CLEC4G: variants seen among roughly 807,000 people sequenced by gnomAD.
CLEC4G encodes the protein C-type lectin superfamily 4, member G.
In CLEC4G, 34 loss-of-function variants were observed where a neutral mutation model predicts 37.0. The observed-to-expected ratio is 0.92, with a 90% CI of 0.70 to 1.22. CLEC4G has a LOEUF of 1.22. Ranked by LOEUF, CLEC4G falls within the 50% of genes most tolerant of loss-of-function variation. CLEC4G has a pLI of 0.00. For missense variants in CLEC4G, 390 were observed against 392.9 expected, an observed-to-expected ratio of 0.99 and a Z score of 0.06; for synonymous variants, 167 against 165.6, an observed-to-expected ratio of 1.01 and a Z score of -0.06.
Position 7,730,171 on chromosome 19 carries a change from C to A in CLEC4G, c.479-4G>T. 6.2e-7 allele frequency: 1 copy of A among 1,610,892 alleles called. No individual in the cohort carries two copies. Among genetic ancestry groups the A allele is most frequent in the Non-Finnish European group, 8.5e-7 (1 of 1,178,928 alleles). On this transcript the variant is annotated splice_polypyrimidine_tract_variant and splice_region_variant and intron_variant, in intron 6 of 8. Transcript: ENST00000328853. This position sits in a 1 kb window ranked among gnomAD's most constrained non-coding sequence, Gnocchi z 7.3. ...GTGGGGCACGGCTCGCAGGAGTCTG[C>A]GGGGTGGCGAGGGTCAGAGAGGTCG...
chr19:7,731,327 G>A lies in CLEC4G; in HGVS notation c.167-8C>T, dbSNP rs1447845018. 1 of 1,568,502 alleles carries A rather than the reference G, an allele frequency of 6.4e-7. No homozygotes were observed. Among genetic ancestry groups the A allele is most frequent in the Non-Finnish European group, 8.6e-7 (1 of 1,162,386 alleles). On this transcript the variant is annotated splice_region_variant and splice_polypyrimidine_tract_variant and intron_variant, in intron 2 of 8. Coordinates refer to ENST00000328853, the MANE Select transcript of CLEC4G (RefSeq NM_198492.4). ...CCGCGCGCTCCGTGGAGGCTGAGGA[G>A]AGAGGCTCCTGCAGGCGAGGCCGGG... is the stretch of plus-strand genomic sequence containing the variant.
intron 2 of CLEC4G, 36 bp from the exon 3 acceptor site, chr19:7,731,355 C>A: frequency 6.5e-7 from 1 of 1,544,524 alleles, no homozygotes; most frequent in Non-Finnish European, 8.7e-7. Context: ...AGGCCGGGAA[C>A]TCGGGAATCC....
At chr19:7,729,980 C>A in intron 7 of CLEC4G, 39 bp downstream of exon 7, 1 of 1,608,734 alleles carries the variant, frequency 6.2e-7, no homozygotes. Context: ...CCGCCCCGCC[C>A]TGCCCCACCG....
At position 7,731,688 on chromosome 19, in the gene CLEC4G, C is replaced by T; in HGVS notation, c.139G>A (p.Val47Met). The change falls in exon 2 of 9, where the codon GTG becomes ATG. Residue 47 changes from valine (V) to methionine (M), a missense_variant. Coordinates refer to ENST00000328853, the MANE Select transcript of CLEC4G (RefSeq NM_198492.4). ...AVLVTTVLWAVILSILLSKAS... is the reference protein window; with the variant it reads ...AVLVTTVLWAMILSILLSKAS... ...TTGGACAATAGGATACTCAGAATCA[C>T]AGCCCAAAGGACTGTGGTGACCAGG... is the stretch of plus-strand genomic sequence containing the variant. 6.2e-7 allele frequency: 1 copy of T among 1,614,130 alleles called. No homozygotes were observed. The highest frequency in any genetic ancestry group is 8.5e-7 in the Non-Finnish European group (1 of 1,179,992).
rs2033435223 is a variant in CLEC4G at position 7,731,652 on chromosome 19, G to A, written c.166+9C>T. ...CGGATGCAACACCTCCCCATTGAGA[G>A]TCACTCACCCTTGGACAATAGGATA... On this transcript the variant is annotated intron_variant, in intron 2 of 8. Coordinates refer to ENST00000328853, the MANE Select transcript of CLEC4G (RefSeq NM_198492.4). 1 of 1,613,276 alleles carries A rather than the reference G, an allele frequency of 6.2e-7. No homozygotes were observed. The highest frequency in any genetic ancestry group is 8.5e-7 in the Non-Finnish European group (1 of 1,179,620).
chr19:7,731,305 C>G lies in CLEC4G; in HGVS notation c.181G>C (p.Ala61Pro). 1 of 1,579,696 alleles carries G rather than the reference C, an allele frequency of 6.3e-7. No homozygotes were observed. Reference sequence around the variant, plus strand: ...AGGTCGTGGCCGTCAAGCAGCGCCGCGCGCTCCGTGGAGGCTGAGGAGAGA... The same window carrying G: ...AGGTCGTGGCCGTCAAGCAGCGCCGGGCGCTCCGTGGAGGCTGAGGAGAGA... ...ILLSKASTER[A>P]ALLDGHDLLR... is the part of the protein sequence containing the mutation. The change falls in exon 3 of 9, where the codon GCG becomes CCG. Residue 61 changes from alanine to proline, a missense_variant. Transcript: ENST00000328853.
chr19:7,731,204 G>C (rs1393806842), intron 3 of CLEC4G, 62 bp downstream of exon 3: 8 of 1,570,582 alleles, frequency 5.1e-6, no homozygotes, highest in Non-Finnish European at 6.9e-6. Flanking sequence ...CTCCATCTCC[G>C]GGGTCTCAGA....
Position 7,731,788 on chromosome 19 carries a change from G to A in CLEC4G, c.56-17C>T, listed in dbSNP as rs760746616. 34 of 1,607,550 alleles carry A rather than the reference G, an allele frequency of 2.1e-5. No homozygotes were observed. Among genetic ancestry groups the A allele is most frequent in the Non-Finnish European group, 2.5e-5 (30 of 1,177,060 alleles). ...CCCAGGGCCCTGGCATAACAAGGACGGCATGCTGGGTCCCCCAGAACTGAG... is the reference window on the plus strand; with the variant it reads ...CCCAGGGCCCTGGCATAACAAGGACAGCATGCTGGGTCCCCCAGAACTGAG... On this transcript the variant is annotated splice_polypyrimidine_tract_variant and intron_variant, in intron 1 of 8. Coordinates refer to ENST00000328853, the MANE Select transcript of CLEC4G (RefSeq NM_198492.4).
At chr19:7,729,784 C>T in intron 8 of CLEC4G, 37 bp downstream of exon 8, 1 of 1,612,028 alleles carries the variant, frequency 6.2e-7, no homozygotes, top group Non-Finnish European at 8.5e-7. Flanking sequence ...CCTAACCTGT[C>T]TCCCTCCCCA....
rs752066244 is a variant in CLEC4G at position 7,729,330 on chromosome 19, G to A, written c.*36C>T. On this transcript the variant is annotated 3_prime_UTR_variant, in exon 9 of 9. Transcript: ENST00000328853. ...GTGAGCAGCCCCCAGGATACGACAT[G>A]CTGCAATGGGCGCGGCTCCAGGGCA... 2 of 1,464,192 alleles carry A rather than the reference G, an allele frequency of 1.4e-6. No homozygotes were observed. Among genetic ancestry groups the A allele is most frequent in the Admixed American group, 3.3e-5 (2 of 59,838 alleles). The allele number at this position is 1,464,192 out of a possible 1,614,324, so 90.7% of individuals were successfully genotyped here. A position where few individuals can be genotyped will look rare whatever the true frequency, so the allele number is the denominator to read the frequency against.
Position 7,730,322 on chromosome 19 carries a change from GC to G in CLEC4G, c.478+28del. On this transcript the variant is annotated intron_variant, in intron 6 of 8. Transcript: ENST00000328853. This position sits in a 1 kb window ranked among gnomAD's most constrained non-coding sequence, Gnocchi z 7.3. ...GACAGGGTCCGCTTACGCCCTCACA[GC>G]CCGCCCCCGACCCCCCGTCTCGCTC... 6.3e-7 allele frequency: 1 copy of G among 1,587,206 alleles called. No homozygotes were observed.
At position 7,730,316 on chromosome 19, in the gene CLEC4G, C is replaced by G. The variant is rs775008118; in HGVS notation, c.478+35G>C. On this transcript the variant is annotated intron_variant, in intron 6 of 8. Coordinates refer to ENST00000328853, the MANE Select transcript of CLEC4G (RefSeq NM_198492.4). The surrounding 1 kb of genome is among the most constrained non-coding windows in gnomAD (Gnocchi z 7.3). ...AGGAGTGACAGGGTCCGCTTACGCC[C>G]TCACAGCCCGCCCCCGACCCCCCGT... 4.4e-6 allele frequency: 7 copies of G among 1,587,788 alleles called. No homozygotes were observed. The highest frequency in any genetic ancestry group is 6.0e-6 in the Non-Finnish European group (7 of 1,171,132).
chr19:7,730,322 G>A lies in CLEC4G; in HGVS notation c.478+29C>T, dbSNP rs367660126. ...GACAGGGTCCGCTTACGCCCTCACA[G>A]CCCGCCCCCGACCCCCCGTCTCGCT... On this transcript the variant is annotated intron_variant, in intron 6 of 8. Transcript: ENST00000328853. The surrounding 1 kb of genome is among the most constrained non-coding windows in gnomAD (Gnocchi z 7.3). The A allele has an allele frequency of 5.7e-6, 9 of 1,587,206 alleles. No individual in the cohort carries two copies. The African/African-American group carries it at 1.2e-4, about 21-fold the overall frequency.
chr19:7,731,473 G>C (rs1197551298), intron 2 of CLEC4G, 154 bp from the exon 3 acceptor site: 4 of 1,472,618 alleles, frequency 2.7e-6, no homozygotes, highest in Middle Eastern at 1.9e-4. Context: ...ACAAACGCGC[G>C]GGGACTCGCG....
rs776118650 is a variant in CLEC4G, at chr19:7,731,299, G to T, written c.187C>A (p.Leu63Met). ...CTCAGCAGGTCGTGGCCGTCAAGCA[G>T]CGCCGCGCGCTCCGTGGAGGCTGAG... ...LSKASTERAA[L>M]LDGHDLLRTN... The change falls in exon 3 of 9, where the codon CTG becomes ATG. Residue 63 changes from leucine to methionine, a missense_variant. By Grantham distance (15) the Leu-to-Met change is conservative (BLOSUM62 2). Transcript: ENST00000328853. 6.3e-7 allele frequency: 1 copy of T among 1,582,480 alleles called. No individual in the cohort carries two copies. The highest frequency in any genetic ancestry group is 8.6e-7 in the Non-Finnish European group (1 of 1,168,878).
intron 8 of CLEC4G, 60 bp downstream of exon 8, chr19:7,729,761 A>G (rs1020665369): frequency 8.8e-6 from 14 of 1,599,472 alleles, no homozygotes; most frequent in African/African-American, 2.7e-5. Flanking sequence ...TAGCCAAAGC[A>G]TGTCCTCTAG....
rs1439206869 is a variant in CLEC4G, at chr19:7,729,887, C to T, written c.677G>A (p.Arg226Lys). 7.4e-6 allele frequency: 12 copies of T among 1,614,028 alleles called. No individual in the cohort carries two copies. Among genetic ancestry groups the T allele is most frequent in the Middle Eastern group, 1.6e-4 (1 of 6,084 alleles). ...AACCTTGCCCAGATGGCGCACAGCC[C>T]TCAGGCCCAGCCAGTAACCACGGCC... ...TRGRGYWLGL[R>K]AVRHLGKVQG... Residue 226 changes from arginine (R) to lysine (K), a missense_variant, in exon 8 of 9, where the codon AGG becomes AAG. Coordinates refer to ENST00000328853, the MANE Select transcript of CLEC4G (RefSeq NM_198492.4).
In CLEC4G at chr19:7,730,879, A is replaced by C; in HGVS notation, c.284-20T>G. Reference sequence around the variant, plus strand: ...CCGAGCCTGGGAGCCGCAGGGTGAGAGGGGCGAGGGCGGCGAGGATGGGGC... The same window carrying C: ...CCGAGCCTGGGAGCCGCAGGGTGAGCGGGGCGAGGGCGGCGAGGATGGGGC... On this transcript the variant is annotated intron_variant, in intron 4 of 8. Transcript: ENST00000328853. The surrounding 1 kb of genome is among the most constrained non-coding windows in gnomAD (Gnocchi z 7.3). 6.5e-7 allele frequency: 1 copy of C among 1,526,868 alleles called. No individual in the cohort carries two copies. The highest frequency in any genetic ancestry group is 8.7e-7 in the Non-Finnish European group (1 of 1,143,504). 94.6% of individuals were successfully genotyped at this position (1,526,868 alleles called of 1,614,324 possible).
rs1156254399 is a variant in CLEC4G, at chr19:7,730,921, G to GC, written c.284-63dup. The GC allele has an allele frequency of 2.1e-3, 3,162 of 1,497,376 alleles. 35 individuals carry two copies. In the African/African-American group the frequency reaches 0.037, roughly 17 times the overall value. The allele number at this position is 1,497,376 out of a possible 1,614,324, so 92.8% of individuals were successfully genotyped here. ...GGATGGGGCGGGACTTCGGAGACCA[G>GC]CCCCCGCCCCGCACCACCCGCCGCA... On this transcript the variant is annotated intron_variant, in intron 4 of 8. Transcript: ENST00000328853. The surrounding 1 kb of genome is among the most constrained non-coding windows in gnomAD (Gnocchi z 7.3).
Sources: allele counts gnomAD v4.1 joint callset, GRCh38; gene constraint gnomAD v4.1.1; non-coding constraint Gnocchi (gnomAD v3.1); transcripts MANE v1.5; gene names NCBI Gene and HGNC (gene_info 2026-07-23, HGNC 2026-07-21).